The following ZNF248 variants were observed in gnomAD, a reference collection of about 807,000 sequenced individuals.
ZNF248 encodes the protein zinc finger protein 248, also known as KRAB protein domain.
In ZNF248, 20 loss-of-function variants were observed where a neutral mutation model predicts 44.3. That is an observed-to-expected ratio of 0.45 (90% CI 0.32 to 0.66). The LOEUF (loss-of-function observed/expected upper bound fraction) is 0.66, where lower values mean the gene tolerates loss of function less well. Ranked by LOEUF, ZNF248 falls within the 30% of genes least tolerant of loss-of-function variation. ZNF248 has a pLI of 0.04. For missense variants in ZNF248, 654 were observed against 677.0 expected (o/e 0.97, Z 0.38); for synonymous variants, 224 against 229.0 (o/e 0.98, Z 0.20).
chr10:37,830,378 T>C lies in ZNF248; in HGVS notation c.*1237A>G, dbSNP rs1234511547. 13 of 985,262 alleles carry C rather than the reference T, an allele frequency of 1.3e-5. No homozygotes were observed. The highest frequency in any genetic ancestry group is 4.7e-5 in the South Asian group (1 of 21,296). 61.0% of individuals were successfully genotyped at this position (985,262 alleles called of 1,614,324 possible). On this transcript the variant is annotated 3_prime_UTR_variant, in exon 6 of 6. Transcript: ENST00000395867. ...ACAGTCAGAGGAAAGGTACGTGATA[T>C]AGTTCTTTGTGAAATAATATTTCAC...
At chr10:37,811,232 C>T (rs922235709) in intron 6 of ZNF248, among the ~76,000 whole-genome samples, 1 of 152,176 alleles carries the variant, frequency 6.6e-6, no homozygotes, top group African/African-American at 2.4e-5. Flanking sequence ...GTAAGAACCA[C>T]TGTAGAAAAA....
the ZNF248 span, among the ~76,000 whole-genome samples, chr10:37,761,584 G>A: frequency 6.6e-5 from 10 of 152,188 alleles, no homozygotes; most frequent in Non-Finnish European, 1.0e-4. Context: ...ATGAAAAAGT[G>A]CAATGAAGCA....
intron 6 of ZNF248, among the ~76,000 whole-genome samples, chr10:37,778,105 C>G (rs529958989): frequency 0.013 from 1,999 of 152,218 alleles, 43 homozygotes; most frequent in African/African-American, 0.045. Flanking sequence ...CCTGAGGAAT[C>G]GCCACACTGA....
intron 6 of ZNF248, among the ~76,000 whole-genome samples, chr10:37,823,229 G>A (rs2053761281): frequency 6.6e-6 from 1 of 150,450 alleles, no homozygotes; most frequent in South Asian, 2.1e-4. Context: ...AGCTGCTCGG[G>A]AGGCTGAGGC....
chr10:37,819,425 C>T, intron 6 of ZNF248: 2 of 1,568,618 alleles, frequency 1.3e-6, no homozygotes, highest in South Asian at 1.1e-5. Flanking sequence ...CTCATCTCTC[C>T]AGTTTTTATT....
intron 1 of ZNF248, 96 bp from the exon 2 acceptor site, chr10:37,856,628 G>A (rs1308102196): frequency 1.6e-5 from 16 of 1,025,826 alleles, no homozygotes; most frequent in African/African-American, 2.0e-5. Context: ...AAAATTCCTT[G>A]TAGGGAAAAA....
At chr10:37,805,987 C>G (rs1304232050) in intron 6 of ZNF248, among the ~76,000 whole-genome samples, 1 of 152,132 alleles carries the variant, frequency 6.6e-6, no homozygotes, top group African/African-American at 2.4e-5. Flanking sequence ...GTTTTCATTT[C>G]TCTTGCGTAT....
chr10:37,768,254 C>G, the ZNF248 span, among the ~76,000 whole-genome samples: 1 of 152,148 alleles, frequency 6.6e-6, no homozygotes, highest in Non-Finnish European at 1.5e-5. Context: ...AGGAATTGAA[C>G]TCAGCTCTGC....
chr10:37,772,401 C>T (rs1012840565), downstream of ZNF248, among the ~76,000 whole-genome samples: 2 of 152,096 alleles, frequency 1.3e-5, no homozygotes, highest in Non-Finnish European at 2.9e-5. Context: ...ATATATATTG[C>T]CACCAGACAC....
the ZNF248 span, among the ~76,000 whole-genome samples, chr10:37,760,881 G>A: frequency 1.3e-5 from 2 of 152,180 alleles, no homozygotes; most frequent in South Asian, 4.1e-4. Context: ...ATTACCTTTT[G>A]TATGAGCACA....
intron 6 of ZNF248, among the ~76,000 whole-genome samples, chr10:37,815,628 A>G (rs2052320950): frequency 6.6e-6 from 1 of 151,908 alleles, no homozygotes; most frequent in Non-Finnish European, 1.5e-5. Context: ...GGTCTTTTTC[A>G]GGGACAGTTT....
downstream of ZNF248, among the ~76,000 whole-genome samples, chr10:37,772,525 A>T (rs777253402): frequency 1.3e-5 from 2 of 152,214 alleles, no homozygotes; most frequent in Non-Finnish European, 2.9e-5. Flanking sequence ...GCTGAAAGAT[A>T]AAGCAGATAA....
chr10:37,840,794 GA>G (rs905892603), intron 3 of ZNF248, among the ~76,000 whole-genome samples: 1 of 151,858 alleles, frequency 6.6e-6, no homozygotes, highest in African/African-American at 2.4e-5. Context: ...AAAGAAAAAA[GA>G]AAAAAAGAAA....
intron 1 of ZNF248, chr10:37,856,808 C>G: frequency 1.2e-6 from 1 of 822,762 alleles, no homozygotes; most frequent in South Asian, 5.6e-5. Flanking sequence ...TAATGAGAAA[C>G]TGTGATATAG....
intron 6 of ZNF248, among the ~76,000 whole-genome samples, chr10:37,800,509 C>G (rs1462939067): frequency 6.6e-6 from 1 of 152,126 alleles, no homozygotes; most frequent in Non-Finnish European, 1.5e-5. Flanking sequence ...ATTCTTTATC[C>G]AGTCTACTGT....
intron 3 of ZNF248, among the ~76,000 whole-genome samples, chr10:37,839,110 G>C (rs1363960312): frequency 6.6e-6 from 1 of 152,064 alleles, no homozygotes; most frequent in East Asian, 1.9e-4. Flanking sequence ...ATTGCTCCTG[G>C]GAGTCTAGAA....
At chr10:37,771,000 A>G in the ZNF248 span, among the ~76,000 whole-genome samples, 1 of 152,254 alleles carries the variant, frequency 6.6e-6, no homozygotes, top group South Asian at 2.1e-4. Flanking sequence ...ACATTTATGC[A>G]GCCAAAAAAC....
At chr10:37,779,895 T>G (rs1265330401) in intron 6 of ZNF248, among the ~76,000 whole-genome samples, 1 of 151,042 alleles carries the variant, frequency 6.6e-6, no homozygotes, top group Non-Finnish European at 1.5e-5. Flanking sequence ...AGCCAAATCA[T>G]GAGTGAACTC....
intron 3 of ZNF248, among the ~76,000 whole-genome samples, chr10:37,845,542 G>GA (rs1321177239): frequency 4.0e-5 from 6 of 151,660 alleles, no homozygotes; most frequent in Admixed American, 3.9e-4. Context: ...AAAGTAAAAG[G>GA]AAAAAACAAA....
Sources: allele counts gnomAD v4.1 joint callset (sites outside exome capture counted in the v4.1 genomes callset), GRCh38; gene constraint gnomAD v4.1.1; transcripts MANE v1.5; gene names NCBI Gene and HGNC (gene_info 2026-07-23, HGNC 2026-07-21).